SH3GL3: variants seen among roughly 807,000 people sequenced by gnomAD.
SH3GL3 encodes endophilin-A3.
Under a neutral mutation model 47.7 loss-of-function variants are expected in SH3GL3, and 33 were observed. That is an observed-to-expected ratio of 0.69 (90% CI 0.52 to 0.92). The LOEUF is 0.92. Among genes scored for constraint, SH3GL3 ranks in the 40% least tolerant of loss-of-function variants. SH3GL3 has a pLI of 0.00. For synonymous variants in SH3GL3, 155 were observed against 148.8 expected, an observed-to-expected ratio of 1.04 and a Z score of -0.30; for missense variants, 363 against 417.8, an observed-to-expected ratio of 0.87 and a Z score of 1.14.
intron 1 of SH3GL3, among the ~76,000 whole-genome samples, chr15:83,492,022 C>T (rs1567268223): frequency 1.3e-5 from 2 of 152,128 alleles, no homozygotes; most frequent in Non-Finnish European, 2.9e-5. Context: ...TGGTGGCTCA[C>T]GCCTGTAACC....
intron 1 of SH3GL3, among the ~76,000 whole-genome samples, chr15:83,483,510 G>T (rs10520578): frequency 0.33 from 50,839 of 152,070 alleles, 9,148 homozygotes; most frequent in South Asian, 0.65. Flanking sequence ...AGATAGCACG[G>T]TCATCATGAG....
chr15:83,631,567 A>G, the SH3GL3 span, among the ~76,000 whole-genome samples: 29 of 152,308 alleles, frequency 1.9e-4, 1 homozygote, highest in Admixed American at 5.9e-4. Context: ...GCCCAACACC[A>G]TGTGTAAGCC....
At chr15:83,574,227 G>C (rs1322743048) in intron 5 of SH3GL3, among the ~76,000 whole-genome samples, 3 of 152,120 alleles carry the variant, frequency 2.0e-5, no homozygotes, top group African/African-American at 7.2e-5. Flanking sequence ...TAGAATTTCT[G>C]CTGAAAGCAA....
In SH3GL3 at chr15:83,456,060, A is replaced by G. The variant is rs1401173562; in HGVS notation, c.45+8482A>G. Among the ~76,000 whole-genome samples, 2 of 86,626 alleles carry G rather than the reference A, an allele frequency of 2.3e-5. 1 individual carries two copies. Among genetic ancestry groups the G allele is most frequent in the Non-Finnish European group, 4.9e-5 (2 of 40,762 alleles). 56.8% of individuals were successfully genotyped at this position (86,626 alleles called of 152,430 possible). A position where few individuals can be genotyped will look rare whatever the true frequency, so the allele number is the denominator to read the frequency against. ...CCCTCAGCTGCAGGTCTGTTGGAAT[A>G]CCCTGCCATGTGAGATGTCAGTGTG... On this transcript the variant is annotated intron_variant, in intron 1 of 8. Transcript: ENST00000427482.
At chr15:83,572,038 G>A (rs1354959836) in intron 4 of SH3GL3, among the ~76,000 whole-genome samples, 1 of 152,160 alleles carries the variant, frequency 6.6e-6, no homozygotes, top group Non-Finnish European at 1.5e-5. Context: ...GACACTGGCA[G>A]GCTTTCTTTG....
intron 1 of SH3GL3, among the ~76,000 whole-genome samples, chr15:83,449,118 A>G (rs1432954420): frequency 6.6e-6 from 1 of 152,234 alleles, no homozygotes; most frequent in Non-Finnish European, 1.5e-5. Flanking sequence ...AGTTAAAGGC[A>G]GACTCTAGAC....
intron 1 of SH3GL3, among the ~76,000 whole-genome samples, chr15:83,471,829 T>C (rs189322997): frequency 1.3e-4 from 20 of 152,376 alleles, no homozygotes; most frequent in African/African-American, 4.6e-4. Context: ...ATATTTTTTC[T>C]TTGTCTTTAG....
intron 1 of SH3GL3, among the ~76,000 whole-genome samples, chr15:83,556,575 C>T (rs1566983393): frequency 6.6e-6 from 1 of 152,158 alleles, no homozygotes. Flanking sequence ...GATTTCGGGT[C>T]CAACTCTCCA....
chr15:83,588,425 C>T lies in SH3GL3; in HGVS notation c.729-237C>T, dbSNP rs576453912. Among the ~76,000 whole-genome samples the T allele has an allele frequency of 1.7e-4, 26 of 152,220 alleles. 1 individual carries two copies. In the South Asian group the frequency reaches 3.9e-3, roughly 23 times the overall value. ...ACAGGCATGAGCCACCATGGCTGGC[C>T]CAATTAGTCTTCTTCAAGATGAATT... On this transcript the variant is annotated intron_variant, in intron 7 of 8. Transcript: ENST00000427482.
intron 1 of SH3GL3, among the ~76,000 whole-genome samples, chr15:83,475,120 A>G (rs189288178): frequency 1.3e-5 from 2 of 151,434 alleles, no homozygotes; most frequent in Admixed American, 1.3e-4. Flanking sequence ...ACCTATTTTA[A>G]TAAATTTTAT....
At chr15:83,465,400 G>A (rs922755778) in intron 1 of SH3GL3, among the ~76,000 whole-genome samples, 13 of 151,864 alleles carry the variant, frequency 8.6e-5, no homozygotes, top group Admixed American at 8.5e-4. Flanking sequence ...GTGGCTTCCA[G>A]TTGAATTTAA....
At chr15:83,511,298 C>T (rs2042736131) in intron 1 of SH3GL3, among the ~76,000 whole-genome samples, 1 of 152,298 alleles carries the variant, frequency 6.6e-6, no homozygotes, top group East Asian at 1.9e-4. Context: ...AGAAGTAGGG[C>T]TGGCAGAGTG....
At chr15:83,569,036 C>CAGGCTCA (rs976835744) in intron 4 of SH3GL3, among the ~76,000 whole-genome samples, 7 of 151,784 alleles carry the variant, frequency 4.6e-5, no homozygotes, top group Admixed American at 1.3e-4. Context: ...AGCTGGATTA[C>CAGGCTCA]AGGCTCAAGC....
chr15:83,616,988 CT>C (rs1296587999), intron 8 of SH3GL3, among the ~76,000 whole-genome samples: 4 of 152,160 alleles, frequency 2.6e-5, no homozygotes, highest in East Asian at 3.9e-4. Context: ...CAAGAAGAAT[CT>C]TTTATGAAAA....
chr15:83,560,600 G>T lies in SH3GL3; in HGVS notation c.114+1279G>T, dbSNP rs192829935. Among the ~76,000 whole-genome samples, 43 of 152,228 alleles carry T rather than the reference G, an allele frequency of 2.8e-4. No homozygotes were observed. In the East Asian group the frequency reaches 5.6e-3, roughly 20 times the overall value. Reference sequence around the variant, plus strand: ...TGGTTGATGGATTGAGATCCTTCTTGCTTACCTCCTTTTACCTCCAAAAAC... The same window carrying T: ...TGGTTGATGGATTGAGATCCTTCTTTCTTACCTCCTTTTACCTCCAAAAAC... On this transcript the variant is annotated intron_variant, in intron 2 of 8. Transcript: ENST00000427482.
intron 1 of SH3GL3, among the ~76,000 whole-genome samples, chr15:83,464,587 GT>G (rs1198102213): frequency 6.6e-6 from 1 of 152,098 alleles, no homozygotes; most frequent in Non-Finnish European, 1.5e-5. Flanking sequence ...ACCCCAAACT[GT>G]TTTTCTACTT....
chr15:83,594,311 C>A (rs1484157628), intron 8 of SH3GL3, among the ~76,000 whole-genome samples: 3 of 152,062 alleles, frequency 2.0e-5, no homozygotes, highest in Non-Finnish European at 2.9e-5. Context: ...AACCTTGCAT[C>A]CCTAGGATAA....
chr15:83,625,867 C>T, the SH3GL3 span, among the ~76,000 whole-genome samples: 2 of 152,106 alleles, frequency 1.3e-5, no homozygotes, highest in Non-Finnish European at 2.9e-5. Context: ...GAGTCTTGCT[C>T]TGTCACCCAG....
intron 1 of SH3GL3, among the ~76,000 whole-genome samples, chr15:83,471,890 C>CT (rs1043090658): frequency 1.3e-4 from 20 of 148,336 alleles, no homozygotes; most frequent in Middle Eastern, 3.4e-3. Flanking sequence ...CTTTTCTTTT[C>CT]TTTTTTTTTT....
Sources: allele counts gnomAD v4.1 joint callset (sites outside exome capture counted in the v4.1 genomes callset), GRCh38; gene constraint gnomAD v4.1.1; transcripts MANE v1.5; gene names NCBI Gene and HGNC (gene_info 2026-07-23, HGNC 2026-07-21).